ADGB: variants seen among roughly 807,000 people sequenced by gnomAD.
The protein encoded by ADGB is calpain-7-like protein.
Under a neutral mutation model 210.5 loss-of-function variants are expected in ADGB, and 172 were observed. The observed-to-expected ratio is 0.82, with a 90% CI of 0.72 to 0.93. The LOEUF is 0.93. Ranked by LOEUF, ADGB falls within the 40% of genes least tolerant of loss-of-function variation. The pLI is 0.00. For synonymous variants in ADGB, 658 were observed against 662.7 expected (o/e 0.99, Z 0.11); for missense variants, 2,025 against 1,964.8 (o/e 1.03, Z -0.58).
At chr6:146,625,616 G>A (rs1003527413) in intron 1 of ADGB, among the ~76,000 whole-genome samples, 2 of 151,954 alleles carry the variant, frequency 1.3e-5, no homozygotes, top group African/African-American at 4.8e-5. Context: ...CAATATGGTT[G>A]TTTTTAAAAG....
chr6:146,778,322 G>T (rs1398307054), intron 29 of ADGB, among the ~76,000 whole-genome samples: 1 of 152,160 alleles, frequency 6.6e-6, no homozygotes, highest in African/African-American at 2.4e-5. Context: ...AGACTGAAAA[G>T]AAGCAGCACT....
At chr6:146,623,676 G>A (rs567301705) in intron 1 of ADGB, among the ~76,000 whole-genome samples, 2 of 151,990 alleles carry the variant, frequency 1.3e-5, no homozygotes, top group East Asian at 1.9e-4. Context: ...AATTAGGTGG[G>A]CAAAGCATTC....
At chr6:146,803,367 A>G in intron 35 of ADGB, 3 of 1,607,560 alleles carry the variant, frequency 1.9e-6, no homozygotes, top group Non-Finnish European at 2.6e-6. Context: ...GTCATGGTGT[A>G]ATTTTTCAGT....
At chr6:146,683,751 CT>C (rs1051801850) in intron 9 of ADGB, among the ~76,000 whole-genome samples, 3 of 152,032 alleles carry the variant, frequency 2.0e-5, no homozygotes, top group Non-Finnish European at 4.4e-5. Context: ...TAAGTGAGAA[CT>C]TTTTTCAAAA....
chr6:146,670,293 A>G (rs1775989479), intron 7 of ADGB, among the ~76,000 whole-genome samples: 1 of 113,344 alleles, frequency 8.8e-6, no homozygotes, highest in African/African-American at 3.5e-5. Context: ...AGTCTTGACC[A>G]TGATCCTCAG....
chr6:146,684,736 A>C (rs1776199328), intron 9 of ADGB, among the ~76,000 whole-genome samples: 1 of 152,040 alleles, frequency 6.6e-6, no homozygotes, highest in Non-Finnish European at 1.5e-5. Context: ...AATCCAACTA[A>C]CTTTGGATTA....
In ADGB at chr6:146,635,400, C is replaced by G. The variant is rs1479664638; in HGVS notation, c.100C>G (p.Gln34Glu). ...KDFYPFGSNV[Q>E]SGSTEQKKGK... ...TTTCTATCCTTTTGGCAGTAATGTA[C>G]AATCTGGTTCTACTGAACAAAAGAA... The change falls in exon 2 of 36, where the codon CAA becomes GAA. Residue 34 changes from glutamine (Q) to glutamate (E), a missense_variant. By Grantham distance (29) the Gln-to-Glu change is conservative (BLOSUM62 2). Coordinates refer to ENST00000397944, the MANE Select transcript of ADGB (RefSeq NM_024694.4). The G allele has an allele frequency of 4.5e-6, 7 of 1,540,518 alleles. No homozygotes were observed. The highest frequency in any genetic ancestry group is 2.0e-5 in the Admixed American group (1 of 49,426).
chr6:146,738,579 A>G (rs1777115010), intron 23 of ADGB, among the ~76,000 whole-genome samples: 1 of 149,982 alleles, frequency 6.7e-6, no homozygotes, highest in South Asian at 2.1e-4. Context: ...CCTCCCTAGT[A>G]GCTGGGACTA....
intron 33 of ADGB, among the ~76,000 whole-genome samples, chr6:146,799,590 G>T (rs1214163493): frequency 3.4e-5 from 5 of 147,064 alleles, no homozygotes; most frequent in African/African-American, 1.2e-4. Flanking sequence ...CAGGGAGGGA[G>T]AGAGGGAGAG....
chr6:146,777,162 G>A (rs1476632709), intron 29 of ADGB, among the ~76,000 whole-genome samples: 1 of 151,968 alleles, frequency 6.6e-6, no homozygotes. Flanking sequence ...TGCTAATGGG[G>A]TGATTTACAT....
At chr6:146,785,151 C>A (rs181561870) in intron 31 of ADGB, among the ~76,000 whole-genome samples, 4 of 152,092 alleles carry the variant, frequency 2.6e-5, no homozygotes, top group Non-Finnish European at 4.4e-5. Flanking sequence ...ACACTTTGCG[C>A]AGCCTTAGAT....
intron 18 of ADGB, chr6:146,725,576 A>AAAATATT (rs1370650982): frequency 6.6e-6 from 1 of 152,350 alleles, no homozygotes; most frequent in African/African-American, 2.4e-5. Flanking sequence ...TTGTGAAACC[A>AAAATATT]GTCCTTGGTG....
intron 1 of ADGB, among the ~76,000 whole-genome samples, chr6:146,605,989 G>A (rs1458267893): frequency 6.6e-6 from 1 of 152,108 alleles, no homozygotes; most frequent in Non-Finnish European, 1.5e-5. Context: ...AGTTCTTTGA[G>A]AAATCTCCAA....
intron 13 of ADGB, among the ~76,000 whole-genome samples, chr6:146,713,588 TG>T (rs1776689132): frequency 6.6e-6 from 1 of 152,196 alleles, no homozygotes; most frequent in South Asian, 2.1e-4. Context: ...TTGCATTGTT[TG>T]GGTTATTTTG....
Position 146,736,978 on chromosome 6 carries a change from A to C in ADGB, c.2888+387A>C, listed in dbSNP as rs1224861378. Among the ~76,000 whole-genome samples, 7 of 151,714 alleles carry C rather than the reference A, an allele frequency of 4.6e-5. No homozygotes were observed. The South Asian group carries it at 8.3e-4, about 18-fold the overall frequency. Reference sequence around the variant, plus strand: ...CAAGGCAGAGGTAGATCGAACCTTAAAAAAACTGCATTCTAGCCATAACTC... The same window carrying C: ...CAAGGCAGAGGTAGATCGAACCTTACAAAAACTGCATTCTAGCCATAACTC... On this transcript the variant is annotated intron_variant, in intron 23 of 35. Coordinates refer to ENST00000397944, the MANE Select transcript of ADGB (RefSeq NM_024694.4).
Position 146,733,902 on chromosome 6 carries a change from T to C in ADGB, c.2666T>C (p.Leu889Pro). ...GTTTTTCCCTTTCCAGTGGAATGGC[T>C]GGACGTTAAATATTGTATGCCCACA... ...SLEEVSLVEW[L>P]DVKYCMPTSD... The change falls in exon 22 of 36, where the codon CTG becomes CCG. Residue 889 changes from leucine to proline, a missense_variant. Leu to Pro is a moderately conservative substitution (Grantham distance 98). Transcript: ENST00000397944. 1 of 1,551,594 alleles carries C rather than the reference T, an allele frequency of 6.4e-7. No homozygotes were observed. The highest frequency in any genetic ancestry group is 8.7e-7 in the Non-Finnish European group (1 of 1,146,932).
At chr6:146,603,943 A>G (rs1459984561) in intron 1 of ADGB, among the ~76,000 whole-genome samples, 1 of 152,160 alleles carries the variant, frequency 6.6e-6, no homozygotes, top group East Asian at 1.9e-4. Flanking sequence ...CAGCGTTCAG[A>G]AAAGAAACCT....
At chr6:146,641,860 C>G (rs9322067) in intron 2 of ADGB, among the ~76,000 whole-genome samples, 44,449 of 151,926 alleles carry the variant, frequency 0.29, 7,483 homozygotes, top group Admixed American at 0.4. Flanking sequence ...GATTTCATGA[C>G]GAAGCCACCA....
chr6:146,628,583 T>C (rs1014683101), intron 1 of ADGB, among the ~76,000 whole-genome samples: 1 of 152,088 alleles, frequency 6.6e-6, no homozygotes, highest in Admixed American at 6.6e-5. Flanking sequence ...TGCATTATAC[T>C]ATAAGCTTGC....
Sources: allele counts gnomAD v4.1 joint callset (sites outside exome capture counted in the v4.1 genomes callset), GRCh38; gene constraint gnomAD v4.1.1; transcripts MANE v1.5; gene names NCBI Gene and HGNC (gene_info 2026-07-23, HGNC 2026-07-21).